Variants in DOK6 observed in about 807,000 individuals in gnomAD.
DOK6 encodes downstream of tyrosine kinase 6.
A neutral mutation model predicts 44.0 loss-of-function variants in DOK6; 22 were observed. That is an observed-to-expected ratio of 0.50 (90% CI 0.36 to 0.71). The LOEUF is 0.71. DOK6 is among the 30% of genes least tolerant of loss of function. The probability of loss-of-function intolerance (pLI) is 0.00; values close to 1 mark genes in which losing one functional copy is unlikely to be tolerated. For missense variants in DOK6, 340 were observed against 416.4 expected, an observed-to-expected ratio of 0.82 and a Z score of 1.60; for synonymous variants, 166 against 145.5, an observed-to-expected ratio of 1.14 and a Z score of -1.01.
At chr18:69,500,784 A>G (rs1464197919) in intron 1 of DOK6, among the ~76,000 whole-genome samples, 4 of 152,172 alleles carry the variant, frequency 2.6e-5, no homozygotes, top group Admixed American at 6.5e-5. Context: ...ATTTCAGTCA[A>G]TATAGTTTGA....
At chr18:69,712,056 C>A (rs892415154) in intron 5 of DOK6, among the ~76,000 whole-genome samples, 1 of 151,096 alleles carries the variant, frequency 6.6e-6, no homozygotes, top group Non-Finnish European at 1.5e-5. Flanking sequence ...CCGAGGCGGG[C>A]GGATCACGAG....
At chr18:69,470,914 A>C (rs1010960308) in intron 1 of DOK6, among the ~76,000 whole-genome samples, 1 of 152,116 alleles carries the variant, frequency 6.6e-6, no homozygotes. Flanking sequence ...CTTAACAGTA[A>C]ACAAAAAATA....
intron 1 of DOK6, among the ~76,000 whole-genome samples, chr18:69,484,678 C>A (rs1467566563): frequency 6.6e-6 from 1 of 152,068 alleles, no homozygotes; most frequent in Non-Finnish European, 1.5e-5. Context: ...AATACATATT[C>A]TTGATTCATT....
At chr18:69,446,692 G>A (rs1328521085) in intron 1 of DOK6, among the ~76,000 whole-genome samples, 2 of 152,092 alleles carry the variant, frequency 1.3e-5, no homozygotes, top group East Asian at 3.9e-4. Flanking sequence ...AAGTGTTCCT[G>A]TTTCTCCACA....
intron 3 of DOK6, among the ~76,000 whole-genome samples, chr18:69,606,461 A>C (rs1568309295): frequency 6.6e-6 from 1 of 152,088 alleles, no homozygotes; most frequent in Non-Finnish European, 1.5e-5. Context: ...CCATGAATAA[A>C]AACTGAAAGC....
In DOK6 at chr18:69,712,188, G is replaced by A. The variant is rs933671113; in HGVS notation, c.599+13595G>A. 2.6e-4 allele frequency among the ~76,000 whole-genome samples: 38 copies of A among 145,270 alleles called. 1 individual carries two copies. The South Asian group carries it at 8.4e-3, about 32-fold the overall frequency. On this transcript the variant is annotated intron_variant, in intron 5 of 7. Coordinates refer to ENST00000382713, the MANE Select transcript of DOK6 (RefSeq NM_152721.6). Reference sequence around the variant, plus strand: ...CCCAGCTACTTGGGAGGCTGAGGCAGGAGAATGGCGTGAATCCGGGAGGCA... The same window carrying A: ...CCCAGCTACTTGGGAGGCTGAGGCAAGAGAATGGCGTGAATCCGGGAGGCA...
intron 3 of DOK6, among the ~76,000 whole-genome samples, chr18:69,603,138 A>ACTC (rs1983912553): frequency 6.6e-6 from 1 of 152,106 alleles, no homozygotes; most frequent in Non-Finnish European, 1.5e-5. Flanking sequence ...CGAACTGAGC[A>ACTC]CTCCCTTCAG....
At position 69,547,698 on chromosome 18, in the gene DOK6, C is replaced by G. The variant is rs115979235; in HGVS notation, c.67-16789C>G. Among the ~76,000 whole-genome samples, 974 of 151,100 alleles carry G rather than the reference C, an allele frequency of 6.4e-3. 14 individuals are homozygous for G. Among genetic ancestry groups the G allele is most frequent in the African/African-American group, 0.022 (907 of 41,368 alleles). On this transcript the variant is annotated intron_variant, in intron 1 of 7. Coordinates refer to ENST00000382713, the MANE Select transcript of DOK6 (RefSeq NM_152721.6). Reference sequence around the variant, plus strand: ...CTCATTACAACCAATGTCTCTTCATCCACCCTCATCCATACACCCTTCTTA... The same window carrying G: ...CTCATTACAACCAATGTCTCTTCATGCACCCTCATCCATACACCCTTCTTA...
intron 7 of DOK6, among the ~76,000 whole-genome samples, chr18:69,822,835 C>T (rs763746620): frequency 6.6e-6 from 1 of 151,970 alleles, no homozygotes; most frequent in Non-Finnish European, 1.5e-5. Context: ...TTGTTGGGAC[C>T]AGTGTGTTAT....
At chr18:69,744,421 TGA>T (rs1486093685) in intron 6 of DOK6, among the ~76,000 whole-genome samples, 1 of 151,630 alleles carries the variant, frequency 6.6e-6, no homozygotes, top group Admixed American at 6.6e-5. Flanking sequence ...TTTTGATTGC[TGA>T]GAGTGATCAC....
At chr18:69,411,266 C>T (rs1978304882) in intron 1 of DOK6, among the ~76,000 whole-genome samples, 1 of 152,080 alleles carries the variant, frequency 6.6e-6, no homozygotes, top group Non-Finnish European at 1.5e-5. Context: ...AATAAGGGTG[C>T]TTGTAGTGTT....
chr18:69,647,601 G>C (rs754070315), intron 3 of DOK6: 1 of 152,210 alleles, frequency 6.6e-6, no homozygotes, highest in Admixed American at 6.6e-5. Flanking sequence ...CGTGTGTGAT[G>C]TACTGTGCCC....
At chr18:69,638,793 A>C (rs1288268547) in intron 3 of DOK6, among the ~76,000 whole-genome samples, 1 of 152,174 alleles carries the variant, frequency 6.6e-6, no homozygotes, top group Admixed American at 6.5e-5. Context: ...GTTTAAGAAA[A>C]TATGTTAATG....
At chr18:69,412,886 G>A (rs1267963760) in intron 1 of DOK6, among the ~76,000 whole-genome samples, 2 of 152,040 alleles carry the variant, frequency 1.3e-5, no homozygotes, top group African/African-American at 2.4e-5. Flanking sequence ...ACCTAGGACC[G>A]ACTTTGAGTT....
intron 7 of DOK6, among the ~76,000 whole-genome samples, chr18:69,834,859 G>C (rs1171977219): frequency 6.6e-6 from 1 of 152,184 alleles, no homozygotes; most frequent in Non-Finnish European, 1.5e-5. Flanking sequence ...AAGTTATAGA[G>C]AGAAGACATT....
chr18:69,654,714 A>G (rs1264638770), intron 3 of DOK6, among the ~76,000 whole-genome samples: 1 of 152,198 alleles, frequency 6.6e-6, no homozygotes, highest in African/African-American at 2.4e-5. Context: ...TGACTGCTGT[A>G]GGGCTTTGAC....
At chr18:69,723,865 C>T (rs1378229256) in intron 5 of DOK6, among the ~76,000 whole-genome samples, 3 of 152,180 alleles carry the variant, frequency 2.0e-5, no homozygotes, top group Non-Finnish European at 4.4e-5. Flanking sequence ...CCAGGGCCTT[C>T]GATTCCACTC....
At chr18:69,419,336 TAA>T (rs2122403680) in intron 1 of DOK6, among the ~76,000 whole-genome samples, 1 of 152,162 alleles carries the variant, frequency 6.6e-6, no homozygotes, top group African/African-American at 2.4e-5. Flanking sequence ...TAAATGACAA[TAA>T]AAGTGTGCAG....
At chr18:69,422,562 T>C (rs924299367) in intron 1 of DOK6, among the ~76,000 whole-genome samples, 1 of 152,200 alleles carries the variant, frequency 6.6e-6, no homozygotes, top group Non-Finnish European at 1.5e-5. Context: ...GGTAAAACTG[T>C]CTTGTCTTTA....
Sources: allele counts gnomAD v4.1 joint callset (sites outside exome capture counted in the v4.1 genomes callset), GRCh38; gene constraint gnomAD v4.1.1; transcripts MANE v1.5; gene names NCBI Gene and HGNC (gene_info 2026-07-23, HGNC 2026-07-21).